Variants in DCDC1 observed in about 807,000 individuals in gnomAD.
The protein encoded by DCDC1 is doublecortin domain-containing protein 1.
A neutral mutation model predicts 178.3 loss-of-function variants in DCDC1; 200 were observed. The ratio of observed to expected loss-of-function variants is 1.12; its 90% CI spans 1.00 to 1.26. DCDC1 has a LOEUF of 1.26. Among genes scored for constraint, DCDC1 ranks in the 50% most tolerant of loss-of-function variants. DCDC1 has a pLI of 0.00. For missense variants in DCDC1, 1,983 were observed against 1,749.2 expected, an observed-to-expected ratio of 1.13 and a Z score of -2.38; for synonymous variants, 690 against 604.8, an observed-to-expected ratio of 1.14 and a Z score of -2.07.
At chr11:31,222,387 G>C (rs1002362992) in intron 9 of DCDC1, among the ~76,000 whole-genome samples, 1 of 151,972 alleles carries the variant, frequency 6.6e-6, no homozygotes, top group Non-Finnish European at 1.5e-5. Flanking sequence ...ATAACATCTT[G>C]CTTATTTCCA....
At chr11:31,199,187 A>T (rs1334357525) in intron 9 of DCDC1, among the ~76,000 whole-genome samples, 1 of 152,044 alleles carries the variant, frequency 6.6e-6, no homozygotes. Flanking sequence ...CTAAACCATA[A>T]AAGCTCTCTG....
chr11:31,164,566 G>A (rs942906039), intron 9 of DCDC1, among the ~76,000 whole-genome samples: 6 of 151,346 alleles, frequency 4.0e-5, no homozygotes, highest in Non-Finnish European at 7.4e-5. Flanking sequence ...AGTTTAAAAC[G>A]TAAAAAAAAA....
chr11:31,120,352 A>G lies in DCDC1; in HGVS notation c.1485+7117T>C, dbSNP rs1591115931. ...CTCATGGTCAGAGTGGATTTAAGTGAAGTTAATGAAGATTAGAGTCATTCT... is the reference window on the plus strand; with the variant it reads ...CTCATGGTCAGAGTGGATTTAAGTGGAGTTAATGAAGATTAGAGTCATTCT... On this transcript the variant is annotated intron_variant, in intron 11 of 38. Transcript: ENST00000684477. Among the ~76,000 whole-genome samples, 7 of 152,254 alleles carry G rather than the reference A, an allele frequency of 4.6e-5. No homozygotes were observed. The South Asian group carries it at 8.3e-4, about 18-fold the overall frequency.
At chr11:31,250,415 C>CACACACACACACACATAT (rs1223526182) in intron 8 of DCDC1, among the ~76,000 whole-genome samples, 2 of 73,670 alleles carry the variant, frequency 2.7e-5, no homozygotes, top group East Asian at 9.2e-4. Context: ...CACACACACA[C>CACACACACACACACATAT]ATATACATAT....
intron 18 of DCDC1, among the ~76,000 whole-genome samples, chr11:31,068,853 GTAT>G (rs1956397084): frequency 6.6e-6 from 1 of 150,904 alleles, no homozygotes; most frequent in Non-Finnish European, 1.5e-5. Context: ...TCTCATTAAT[GTAT>G]TTTTTTTTTT....
chr11:30,884,272 C>G (rs184340057), intron 36 of DCDC1, among the ~76,000 whole-genome samples: 47 of 152,092 alleles, frequency 3.1e-4, no homozygotes, highest in African/African-American at 1.0e-3. Context: ...TTCAATCAGT[C>G]CCCCCACCTC....
chr11:31,250,415 C>CATATATATATAT (rs753411919), intron 8 of DCDC1, among the ~76,000 whole-genome samples: 1 of 73,734 alleles, frequency 1.4e-5, no homozygotes, highest in African/African-American at 5.2e-5. Context: ...CACACACACA[C>CATATATATATAT]ATATACATAT....
In DCDC1 at chr11:30,905,078, T is replaced by G; in HGVS notation, c.4191A>C (p.Gln1397His). 1 of 1,613,808 alleles carries G rather than the reference T, an allele frequency of 6.2e-7. No individual in the cohort carries two copies. The highest frequency in any genetic ancestry group is 2.2e-5 in the East Asian group (1 of 44,868). Residue 1397 changes from glutamine to histidine, a missense_variant, in exon 31 of 39, where the codon CAA becomes CAC. Coordinates refer to ENST00000684477, the MANE Select transcript of DCDC1 (RefSeq NM_001387274.1). ...CTGCCATGCCACTGTGAGATGCAGC[T>G]TGCGTGCAGGTCTTCATCCGTAAAG... ...LLSLRMKTCT[Q>H]AASHSGMAAT...
At chr11:31,187,525 G>A (rs1969648988) in intron 9 of DCDC1, among the ~76,000 whole-genome samples, 1 of 152,038 alleles carries the variant, frequency 6.6e-6, no homozygotes, top group South Asian at 2.1e-4. Flanking sequence ...AAACTTAATT[G>A]GAACATCATA....
intron 36 of DCDC1, chr11:30,883,470 C>T (rs1049700563): frequency 2.2e-6 from 1 of 459,806 alleles, no homozygotes; most frequent in Non-Finnish European, 4.5e-6. Context: ...TAGAAGAAAA[C>T]TTTCCTGCTC....
At chr11:31,010,424 C>A (rs566600606) in intron 20 of DCDC1, among the ~76,000 whole-genome samples, 3 of 152,190 alleles carry the variant, frequency 2.0e-5, no homozygotes, top group Non-Finnish European at 2.9e-5. Flanking sequence ...ATGACCTCTC[C>A]GCAGGCAGTT....
At chr11:31,154,806 C>T (rs1195576965) in intron 9 of DCDC1, among the ~76,000 whole-genome samples, 4 of 152,152 alleles carry the variant, frequency 2.6e-5, no homozygotes, top group Non-Finnish European at 4.4e-5. Context: ...AAAGGGAACC[C>T]TGGCACTGGA....
intron 20 of DCDC1, among the ~76,000 whole-genome samples, chr11:31,045,092 G>T: frequency 6.6e-6 from 1 of 152,002 alleles, no homozygotes; most frequent in Admixed American, 6.6e-5. Context: ...AAAATCTTAT[G>T]TCTTATATAT....
intron 9 of DCDC1, among the ~76,000 whole-genome samples, chr11:31,178,172 G>A (rs184857057): frequency 2.4e-4 from 37 of 152,306 alleles, no homozygotes. Flanking sequence ...AAAATAGCAT[G>A]GTCCTGGCAT....
At chr11:31,262,132 T>C (rs1390804230) in intron 8 of DCDC1, among the ~76,000 whole-genome samples, 2 of 152,140 alleles carry the variant, frequency 1.3e-5, no homozygotes, top group Non-Finnish European at 2.9e-5. Flanking sequence ...GTAGGCACAG[T>C]GGCCTGCACC....
chr11:31,071,867 G>A (rs530659191), intron 18 of DCDC1, among the ~76,000 whole-genome samples: 1 of 152,320 alleles, frequency 6.6e-6, no homozygotes, highest in African/African-American at 2.4e-5. Context: ...TATGCTTAGA[G>A]TTAGATCTTC....
intron 25 of DCDC1, 150 bp from the exon 26 acceptor site, chr11:30,917,178 C>A (rs1354544713): frequency 1.6e-6 from 1 of 611,034 alleles, no homozygotes; most frequent in Middle Eastern, 3.4e-4. Context: ...TGGAAATTCA[C>A]ATCTCACTAA....
At chr11:31,188,226 AAC>A (rs1565405021) in intron 9 of DCDC1, among the ~76,000 whole-genome samples, 1 of 151,882 alleles carries the variant, frequency 6.6e-6, no homozygotes, top group Admixed American at 6.6e-5. Context: ...TGCCTACAAC[AAC>A]AGAGATAGTA....
chr11:31,076,882 G>A (rs1456559775), intron 18 of DCDC1, among the ~76,000 whole-genome samples: 1 of 152,008 alleles, frequency 6.6e-6, no homozygotes, highest in African/African-American at 2.4e-5. Context: ...GATCACAGAG[G>A]AACTCACTCT....
Sources: gnomAD v4.1 joint callset for allele counts (sites outside exome capture counted in the v4.1 genomes callset) on GRCh38, gnomAD v4.1.1 for gene constraint, MANE v1.5 for transcripts, NCBI Gene and HGNC (gene_info 2026-07-23, HGNC 2026-07-21) for gene names.